FAM193A: variants seen among roughly 807,000 people sequenced by gnomAD.
FAM193A encodes protein FAM193A.
In FAM193A, 22 loss-of-function variants were observed where a neutral mutation model predicts 126.5. The observed-to-expected ratio is 0.17, with a 90% CI of 0.12 to 0.25. FAM193A has a LOEUF of 0.25. Ranked by LOEUF, FAM193A falls within the 10% of genes least tolerant of loss-of-function variation. FAM193A has a pLI of 1.00. For synonymous variants in FAM193A, 761 were observed against 646.8 expected (o/e 1.18, Z -2.68); for missense variants, 1,675 against 1,672.8 (o/e 1.00, Z -0.02).
chr4:2,554,001 T>TC (rs1209786545), intron 1 of FAM193A, among the ~76,000 whole-genome samples: 1 of 152,174 alleles, frequency 6.6e-6, no homozygotes, highest in East Asian at 1.9e-4. Context: ...AACTTTTTTT[T>TC]CCCAGTCTTG....
intron 20 of FAM193A, among the ~76,000 whole-genome samples, chr4:2,719,484 G>A (rs746017887): frequency 6.6e-6 from 1 of 152,136 alleles, no homozygotes. Context: ...GGTGGCTCAC[G>A]CCTGTAATCC....
intron 7 of FAM193A, among the ~76,000 whole-genome samples, chr4:2,648,488 G>C (rs1745359088): frequency 6.6e-6 from 1 of 152,204 alleles, no homozygotes; most frequent in Non-Finnish European, 1.5e-5. Context: ...GTTTTTGTCT[G>C]TTTTTGCAAC....
chr4:2,715,560 G>A (rs1719446805), intron 19 of FAM193A: 4 of 988,474 alleles, frequency 4.0e-6, no homozygotes, highest in Non-Finnish European at 4.8e-6. Flanking sequence ...TCCTGTCAAG[G>A]GCACATTCGA....
intron 1 of FAM193A, among the ~76,000 whole-genome samples, chr4:2,582,339 C>A (rs1235082895): frequency 1.3e-5 from 2 of 152,022 alleles, no homozygotes; most frequent in Non-Finnish European, 2.9e-5. Context: ...TGAGGTCTTG[C>A]TATGTTGCCC....
At chr4:2,693,960 G>A in intron 16 of FAM193A, 86 bp downstream of exon 16, 2 of 1,374,496 alleles carry the variant, frequency 1.5e-6, no homozygotes, top group Non-Finnish European at 2.0e-6. Context: ...AACTCCCCTG[G>A]GACCATGCAG....
At chr4:2,699,117 T>G (rs231694) in intron 18 of FAM193A, among the ~76,000 whole-genome samples, 4,976 of 152,118 alleles carry the variant, frequency 0.033, 105 homozygotes, top group South Asian at 0.079. Context: ...AGGCTGCTCT[T>G]GAACTCCTAG....
chr4:2,580,868 G>A (rs374260991), intron 1 of FAM193A, among the ~76,000 whole-genome samples: 1 of 152,204 alleles, frequency 6.6e-6, no homozygotes, highest in Non-Finnish European at 1.5e-5. Context: ...CCGGGCTCAC[G>A]CCTGTAATCC....
Position 2,659,677 on chromosome 4 carries a change from C to G in FAM193A, c.1502+7C>G, listed in dbSNP as rs1712167933. 6.2e-7 allele frequency: 1 copy of G among 1,613,322 alleles called. No individual in the cohort carries two copies. Among genetic ancestry groups the G allele is most frequent in the East Asian group, 2.2e-5 (1 of 44,890 alleles). ...ACTGCAACTACAGGAGAAGGTAAGGCTGGGTTGTGGTGTCAGCACGACTGG... is the reference window on the plus strand; with the variant it reads ...ACTGCAACTACAGGAGAAGGTAAGGGTGGGTTGTGGTGTCAGCACGACTGG... On this transcript the variant is annotated splice_region_variant and intron_variant, in intron 9 of 20. Coordinates refer to ENST00000637812, the MANE Select transcript of FAM193A (RefSeq NM_001366318.2).
At chr4:2,691,311 G>C (rs999580819) in intron 15 of FAM193A, among the ~76,000 whole-genome samples, 1 of 152,196 alleles carries the variant, frequency 6.6e-6, no homozygotes, top group East Asian at 1.9e-4. Flanking sequence ...TGCCTCTTGG[G>C]TTCAAGCGAT....
chr4:2,559,015 C>T (rs544413254), intron 1 of FAM193A, among the ~76,000 whole-genome samples: 18 of 152,272 alleles, frequency 1.2e-4, no homozygotes, highest in African/African-American at 3.8e-4. Flanking sequence ...AAAACAGAAA[C>T]AAGAACAGCA....
chr4:2,661,809 G>A (rs1712479912), intron 10 of FAM193A, among the ~76,000 whole-genome samples: 2 of 152,172 alleles, frequency 1.3e-5, no homozygotes, highest in Non-Finnish European at 2.9e-5. Flanking sequence ...ATTGCACTGA[G>A]CTTAAATGTG....
intron 1 of FAM193A, among the ~76,000 whole-genome samples, chr4:2,583,316 G>A (rs1015310327): frequency 5.3e-5 from 8 of 152,216 alleles, no homozygotes; most frequent in African/African-American, 1.9e-4. Flanking sequence ...GGATTTCAGA[G>A]GTGCAGCTGT....
chr4:2,642,134 CAAAAAAAAA>C (rs35799531), intron 6 of FAM193A, among the ~76,000 whole-genome samples: 1 of 86,230 alleles, frequency 1.2e-5, no homozygotes, highest in South Asian at 3.7e-4. Flanking sequence ...ACTAAAAATA[CAAAAAAAAA>C]AAAAAAAAAA....
chr4:2,660,335 C>A (rs960891233), intron 10 of FAM193A, among the ~76,000 whole-genome samples: 4 of 152,154 alleles, frequency 2.6e-5, no homozygotes, highest in African/African-American at 7.2e-5. Context: ...GGCCTCACAT[C>A]TCCTCATTCT....
At chr4:2,599,113 G>A (rs748676715) in intron 2 of FAM193A, among the ~76,000 whole-genome samples, 2 of 152,224 alleles carry the variant, frequency 1.3e-5, no homozygotes, top group Non-Finnish European at 2.9e-5. Flanking sequence ...CTTGGGTGCA[G>A]GTCTCCTGGG....
rs1717519638 is a variant in FAM193A, at chr4:2,699,984, A to G, written c.3812A>G (p.Glu1271Gly). The change falls in exon 19 of 21, where the codon GAA (glutamate) becomes GGA (glycine). Residue 1271 changes from glutamate to glycine, a missense_variant. Physicochemically the swap from Glu to Gly is moderately conservative, Grantham distance 98 (BLOSUM62 -2). Coordinates refer to ENST00000637812, the MANE Select transcript of FAM193A (RefSeq NM_001366318.2). ...NGSLEQTEEPETSSHSPSRHM... is the reference protein window; with the variant it reads ...NGSLEQTEEPGTSSHSPSRHM... ...TCACTAGAGCAAACTGAAGAACCAG[A>G]AACCTCTTCTCACTCCCCATCCAGG... The G allele has an allele frequency of 6.2e-7, 1 of 1,613,932 alleles. No individual in the cohort carries two copies. The highest frequency in any genetic ancestry group is 8.5e-7 in the Non-Finnish European group (1 of 1,179,974).
At chr4:2,724,367 C>A (rs1720496854) in intron 20 of FAM193A, among the ~76,000 whole-genome samples, 1 of 152,130 alleles carries the variant, frequency 6.6e-6, no homozygotes, top group Non-Finnish European at 1.5e-5. Context: ...TTTGACAAAA[C>A]CACATCCTCA....
In FAM193A at chr4:2,700,241, C is replaced by A. The variant is rs1298861410; in HGVS notation, c.4069C>A (p.Pro1357Thr). The A allele has an allele frequency of 1.2e-6, 2 of 1,613,848 alleles. No homozygotes were observed. The highest frequency in any genetic ancestry group is 1.1e-5 in the South Asian group (1 of 91,076). Reference sequence around the variant, plus strand: ...CGAGCCAGCGAGGAGGCCCACAGAGCCCCCCAAGGCCACAGAGGGGCAGTC... The same window carrying A: ...CGAGCCAGCGAGGAGGCCCACAGAGACCCCCAAGGCCACAGAGGGGCAGTC... ...SSEPARRPTE[P>T]PKATEGQSKP... The change falls in exon 19 of 21, where the codon CCC becomes ACC. Residue 1357 changes from proline (P) to threonine (T), a missense_variant. Transcript: ENST00000637812.
chr4:2,602,213 T>TAA (rs1741239665), intron 2 of FAM193A, among the ~76,000 whole-genome samples: 1 of 142,404 alleles, frequency 7.0e-6, no homozygotes, highest in African/African-American at 3.1e-5. Context: ...TGAATGTGAT[T>TAA]TAAAAAAAAA....
Sources: gnomAD v4.1 joint callset for allele counts (sites outside exome capture counted in the v4.1 genomes callset) on GRCh38, gnomAD v4.1.1 for gene constraint, MANE v1.5 for transcripts, NCBI Gene and HGNC (gene_info 2026-07-23, HGNC 2026-07-21) for gene names.